ACAD11: variants seen among roughly 807,000 people sequenced by gnomAD.
ACAD11 encodes the protein acyl-CoA dehydrogenase family member 11, also known as acyl-Coenzyme A dehydrogenase family, member 11.
ACAD11 carries 83 observed loss-of-function variants against 102.2 expected under a neutral mutation model. The observed-to-expected ratio is 0.81, with a 90% confidence interval of 0.68 to 0.97. The LOEUF (loss-of-function observed/expected upper bound fraction) is 0.97, where lower values mean the gene tolerates loss of function less well. Among genes scored for constraint, ACAD11 ranks in the 50% least tolerant of loss-of-function variants. ACAD11 has a pLI of 0.00. For synonymous variants in ACAD11, 324 were observed against 319.8 expected (o/e 1.01, Z -0.14); for missense variants, 901 against 951.7 (o/e 0.95, Z 0.70).
At chr3:132,639,428 A>T in intron 5 of ACAD11, 64 bp downstream of exon 5, 1 of 1,498,680 alleles carries the variant, frequency 6.7e-7, no homozygotes, top group East Asian at 2.4e-5. Flanking sequence ...TGGGGGGAGC[A>T]TTTACTTAGT....
At chr3:132,569,069 T>C (rs1559932312) in intron 17 of ACAD11, among the ~76,000 whole-genome samples, 1 of 152,014 alleles carries the variant, frequency 6.6e-6, no homozygotes, top group Non-Finnish European at 1.5e-5. Flanking sequence ...AAAGACAAGA[T>C]ACAGAGTAGG....
chr3:132,591,740 A>C (rs994817224), intron 13 of ACAD11, among the ~76,000 whole-genome samples: 35 of 152,132 alleles, frequency 2.3e-4, no homozygotes, highest in African/African-American at 8.2e-4. Flanking sequence ...AAAATTTAAA[A>C]ATTCACCAAG....
intron 17 of ACAD11, among the ~76,000 whole-genome samples, chr3:132,567,827 C>A (rs867902159): frequency 2.0e-5 from 3 of 152,088 alleles, no homozygotes; most frequent in African/African-American, 7.2e-5. Flanking sequence ...TCAGTTCTCA[C>A]CTCTCTTATT....
At chr3:132,653,891 T>C (rs1937640820) in intron 1 of ACAD11, among the ~76,000 whole-genome samples, 1 of 152,238 alleles carries the variant, frequency 6.6e-6, no homozygotes, top group Non-Finnish European at 1.5e-5. Context: ...ACCTTCGATC[T>C]TATGTCTTTA....
In ACAD11 at chr3:132,639,477, C is replaced by T. The variant is rs745487771; in HGVS notation, c.702+15G>A. On this transcript the variant is annotated intron_variant, in intron 5 of 19. Coordinates refer to ENST00000264990, the MANE Select transcript of ACAD11 (RefSeq NM_032169.5). Reference sequence around the variant, plus strand: ...ACAGACCTACTCAATTAATTGTAAACATAGCTAACTGTACCTCTTTAGGGT... The same window carrying T: ...ACAGACCTACTCAATTAATTGTAAATATAGCTAACTGTACCTCTTTAGGGT... 1 of 1,608,226 alleles carries T rather than the reference C, an allele frequency of 6.2e-7. No homozygotes were observed. Among genetic ancestry groups the T allele is most frequent in the Non-Finnish European group, 8.5e-7 (1 of 1,177,520 alleles).
chr3:132,576,857 C>G, intron 16 of ACAD11, 87 bp downstream of exon 16: 1 of 994,220 alleles, frequency 1.0e-6, no homozygotes, highest in Non-Finnish European at 1.5e-6. Context: ...GACTTCAGGT[C>G]TAAATCTGGA....
chr3:132,630,493 GA>G lies in ACAD11; in HGVS notation c.906del (p.Pro303LeufsTer17). ...AGGGCAAGAAAGAAATTCCAGTTAGGAAGAATAGAATTAATTCCCCTGCAGC... is the reference window on the plus strand; with the variant it reads ...AGGGCAAGAAAGAAATTCCAGTTAGGAGAATAGAATTAATTCCCCTGCAGC... ...YCRCRGINSI[L>X]PNWNFFLALS... On this transcript the variant is annotated frameshift_variant, in exon 7 of 20. Transcript: ENST00000264990. LOFTEE classifies it high-confidence loss of function. 6.2e-7 allele frequency: 1 copy of G among 1,612,728 alleles called. No individual in the cohort carries two copies. Among genetic ancestry groups the G allele is most frequent in the African/African-American group, 1.3e-5 (1 of 74,990 alleles).
chr3:132,607,682 C>G (rs1468606941), intron 11 of ACAD11, among the ~76,000 whole-genome samples: 1 of 152,056 alleles, frequency 6.6e-6, no homozygotes, highest in Non-Finnish European at 1.5e-5. Flanking sequence ...GAGAATGGAA[C>G]CAAGTTGGAA....
At chr3:132,585,777 G>T (rs1434450632) in intron 13 of ACAD11, among the ~76,000 whole-genome samples, 1 of 152,116 alleles carries the variant, frequency 6.6e-6, no homozygotes. Context: ...AATGCAAATC[G>T]AAACCACAAT....
At chr3:132,624,272 T>G (rs868767341) in intron 9 of ACAD11, among the ~76,000 whole-genome samples, 1 of 144,858 alleles carries the variant, frequency 6.9e-6, no homozygotes, top group East Asian at 2.1e-4. Context: ...CATCACACAC[T>G]CTAGCTTGGA....
intron 5 of ACAD11, 66 bp downstream of exon 5, chr3:132,639,426 G>A: frequency 2.7e-6 from 4 of 1,476,490 alleles, no homozygotes; most frequent in Non-Finnish European, 3.7e-6. Context: ...TCTGGGGGGA[G>A]CATTTACTTA....
intron 9 of ACAD11, chr3:132,621,316 A>G (rs906724303): frequency 6.6e-6 from 1 of 152,176 alleles, no homozygotes; most frequent in Admixed American, 6.5e-5. Flanking sequence ...AGAAGAGGGG[A>G]AAAAAGAAAG....
Position 132,641,963 on chromosome 3 carries a change from ATGCATTACC to A in ACAD11, c.537_537+8del. 1 of 1,589,980 alleles carries A rather than the reference ATGCATTACC, an allele frequency of 6.3e-7. No homozygotes were observed. The highest frequency in any genetic ancestry group is 1.1e-5 in the South Asian group (1 of 87,848). ...TTGAAAAAAATAGCTATTAATGTGG[ATGCATTACC>A]TGTCTTTTGCAGTACCCAGCACCTA... On this transcript the variant is annotated splice_donor_variant and splice_donor_5th_base_variant and coding_sequence_variant and intron_variant, in exon 4 of 20. Coordinates refer to ENST00000264990, the MANE Select transcript of ACAD11 (RefSeq NM_032169.5). LOFTEE classifies it high-confidence loss of function.
At chr3:132,648,758 C>A (rs1477860910) in intron 1 of ACAD11, 1 of 152,222 alleles carries the variant, frequency 6.6e-6, no homozygotes, top group Non-Finnish European at 1.5e-5. Flanking sequence ...CAGACTCAGA[C>A]CTTCACTAAC....
chr3:132,575,407 T>A (rs1014028840), intron 17 of ACAD11, among the ~76,000 whole-genome samples: 2 of 152,204 alleles, frequency 1.3e-5, no homozygotes, highest in African/African-American at 2.4e-5. Flanking sequence ...TTTACACTTA[T>A]GTGTCCTAAT....
At chr3:132,575,731 G>A (rs371952686) in intron 17 of ACAD11, 41 bp downstream of exon 17, 11 of 1,610,154 alleles carry the variant, frequency 6.8e-6, no homozygotes, top group African/African-American at 1.3e-5. Flanking sequence ...TTAGTGTAGT[G>A]CACCGGGCTA....
At chr3:132,585,879 T>G (rs1937799385) in intron 13 of ACAD11, among the ~76,000 whole-genome samples, 1 of 152,112 alleles carries the variant, frequency 6.6e-6, no homozygotes. Context: ...AGGAACACTT[T>G]TACACTGTTG....
At chr3:132,563,504 C>T (rs1009619996) in intron 17 of ACAD11, among the ~76,000 whole-genome samples, 3 of 152,014 alleles carry the variant, frequency 2.0e-5, no homozygotes, top group South Asian at 4.2e-4. Flanking sequence ...GGATATTGTA[C>T]GTGTTTTGGT....
At chr3:132,614,113 T>A (rs1027318332) in intron 11 of ACAD11, among the ~76,000 whole-genome samples, 2 of 149,306 alleles carry the variant, frequency 1.3e-5, no homozygotes, top group Non-Finnish European at 2.9e-5. Context: ...ATCCAACTTA[T>A]AAGGGATGTG....
Sources: allele counts gnomAD v4.1 joint callset (sites outside exome capture counted in the v4.1 genomes callset), GRCh38; gene constraint gnomAD v4.1.1; transcripts MANE v1.5; gene names NCBI Gene and HGNC (gene_info 2026-07-23, HGNC 2026-07-21).